PROX1: variants seen among roughly 807,000 people sequenced by gnomAD.
The protein encoded by PROX1 is prospero homeobox protein 1.
Under a neutral mutation model 58.8 loss-of-function variants are expected in PROX1, and 7 were observed. The observed-to-expected ratio is 0.12, with a 90% CI of 0.07 to 0.22. The LOEUF is 0.22. Ranked by LOEUF, PROX1 falls within the 10% of genes least tolerant of loss-of-function variation. PROX1 has a pLI of 1.00. For missense variants in PROX1, 675 were observed against 927.8 expected (o/e 0.73, Z 3.54); for synonymous variants, 350 against 358.3 (o/e 0.98, Z 0.26).
At chr1:213,984,088 C>T (rs1040943192), upstream of PROX1, 13 of 152,190 alleles carry the variant, frequency 8.5e-5, no homozygotes, top group Admixed American at 2.6e-4. Flanking sequence ...GAGCTCCCAG[C>T]CTACACTTCA....
intron 4 of PROX1, among the ~76,000 whole-genome samples, chr1:214,023,013 T>G (rs1242314636): frequency 1.3e-5 from 2 of 152,216 alleles, no homozygotes; most frequent in African/African-American, 4.8e-5. Context: ...TTTCGTTTTC[T>G]CCCAAGGCCC....
chr1:213,999,323 G>C (rs1056548666), intron 2 of PROX1, among the ~76,000 whole-genome samples: 7 of 152,092 alleles, frequency 4.6e-5, no homozygotes, highest in Non-Finnish European at 1.5e-5. Context: ...GTGGAGGCAT[G>C]TTTCTTATAT....
Position 213,996,616 on chromosome 1 carries a change from A to G in PROX1, c.81A>G (p.Val27=). 3 of 1,614,210 alleles carry G rather than the reference A, an allele frequency of 1.9e-6. No individual in the cohort carries two copies. Among genetic ancestry groups the G allele is most frequent in the South Asian group, 1.1e-5 (1 of 91,082 alleles). ...RRVDIGVKRT[V]GTASAFFAKA... ...TTGACATTGGAGTGAAAAGGACGGT[A>G]GGGACAGCATCTGCATTTTTTGCTA... Residue 27 remains valine (V), a synonymous_variant, in exon 2 of 5, where the codon GTA becomes GTG. Transcript: ENST00000366958.
rs187630347 is a variant in PROX1, at chr1:213,994,156, C to T, written c.-67-2313C>T. Among the ~76,000 whole-genome samples the T allele has an allele frequency of 2.6e-3, 399 of 152,276 alleles. 1 individual carries two copies. Among genetic ancestry groups the T allele is most frequent in the Non-Finnish European group, 4.0e-3 (275 of 68,026 alleles). On this transcript the variant is annotated intron_variant, in intron 1 of 4. Transcript: ENST00000366958. ...ATGACCTTGTGCTCATCAGCGACAC[C>T]AGTCTGTCCTTTCCAAGCCTCTGTG...
At chr1:213,993,504 T>C (rs1663111376) in intron 1 of PROX1, among the ~76,000 whole-genome samples, 1 of 152,220 alleles carries the variant, frequency 6.6e-6, no homozygotes, top group African/African-American at 2.4e-5. Flanking sequence ...GAAATGTTTT[T>C]AAGAGATTTA....
chr1:214,011,433 G>A (rs367545937), intron 3 of PROX1, 88 bp from the exon 4 acceptor site: 25 of 1,250,430 alleles, frequency 2.0e-5, no homozygotes, highest in African/African-American at 4.5e-5. Flanking sequence ...AAGAAGGGAC[G>A]GGAACATTAA....
intron 1 of PROX1, among the ~76,000 whole-genome samples, chr1:213,993,286 C>T (rs1663103177): frequency 6.6e-6 from 1 of 152,108 alleles, no homozygotes; most frequent in South Asian, 2.1e-4. Flanking sequence ...TGGACATCCA[C>T]CAGTGTTGAT....
At chr1:214,027,950 T>A (rs548390080) in intron 4 of PROX1, among the ~76,000 whole-genome samples, 2 of 151,698 alleles carry the variant, frequency 1.3e-5, no homozygotes, top group African/African-American at 4.9e-5. Context: ...TTTTTTTTTT[T>A]CTTAAGACAG....
chr1:213,986,802 G>C (rs1662835064), upstream of PROX1, among the ~76,000 whole-genome samples: 1 of 152,204 alleles, frequency 6.6e-6, no homozygotes, highest in Admixed American at 6.5e-5. Context: ...CCGGTGAAAG[G>C]GACGTTCTAG....
At chr1:213,984,691 CCT>C (rs1351310592), upstream of PROX1, 1 of 153,258 alleles carries the variant, frequency 6.5e-6, no homozygotes, top group Non-Finnish European at 1.5e-5. Context: ...GGTTGGTTTT[CCT>C]CTCTTCCCTT....
chr1:214,038,667 C>A lies in PROX1; in HGVS notation c.*2833C>A, dbSNP rs1664907550. 1 of 152,166 alleles carries A rather than the reference C, an allele frequency of 6.6e-6. No homozygotes were observed. Among genetic ancestry groups the A allele is most frequent in the Non-Finnish European group, 1.5e-5 (1 of 68,028 alleles). The allele number at this position is 152,166 out of a possible 1,614,324, so 9.4% of individuals were successfully genotyped here. A position where few individuals can be genotyped will look rare whatever the true frequency, so the allele number is the denominator to read the frequency against. Reference sequence around the variant, plus strand: ...GCGGGGGGGATTTTAAAAAATCCTTCAAAATACCAGTTTTTTCCCAACAAG... The same window carrying A: ...GCGGGGGGGATTTTAAAAAATCCTTAAAAATACCAGTTTTTTCCCAACAAG... On this transcript the variant is annotated 3_prime_UTR_variant, in exon 5 of 5. Coordinates refer to ENST00000366958, the MANE Select transcript of PROX1 (RefSeq NM_001270616.2).
At chr1:214,000,415 GCTT>G (rs1344932132) in intron 2 of PROX1, among the ~76,000 whole-genome samples, 2 of 152,134 alleles carry the variant, frequency 1.3e-5, no homozygotes, top group Admixed American at 6.5e-5. Context: ...AAATATAGTT[GCTT>G]CTTCTTCAGA....
rs772798572 is a variant in PROX1 at position 213,998,266 on chromosome 1, C to G, written c.1725+6C>G. 10 of 1,528,088 alleles carry G rather than the reference C, an allele frequency of 6.5e-6. No homozygotes were observed. The South Asian group carries it at 1.2e-4, about 18-fold the overall frequency. 94.7% of individuals were successfully genotyped at this position (1,528,088 alleles called of 1,614,324 possible). A position where few individuals can be genotyped will look rare whatever the true frequency, so the allele number is the denominator to read the frequency against. ...CACCTTATTCGGGAAGTGCAATATC[C>G]TTTTATTTTCCCCTCGAGGAAAAAA... On this transcript the variant is annotated splice_donor_region_variant and intron_variant, in intron 2 of 4. Coordinates refer to ENST00000366958, the MANE Select transcript of PROX1 (RefSeq NM_001270616.2).
chr1:213,999,890 T>C (rs1391306672), intron 2 of PROX1, among the ~76,000 whole-genome samples: 1 of 152,166 alleles, frequency 6.6e-6, no homozygotes, highest in Non-Finnish European at 1.5e-5. Context: ...ATGGCTTGAA[T>C]GGTTTTTGTG....
intron 4 of PROX1, among the ~76,000 whole-genome samples, chr1:214,026,232 G>A (rs987668733): frequency 2.0e-5 from 3 of 152,118 alleles, no homozygotes; most frequent in African/African-American, 4.8e-5. Flanking sequence ...GCTTCATCGC[G>A]ACCAATAATG....
chr1:213,993,122 C>T (rs1034564952), intron 1 of PROX1, among the ~76,000 whole-genome samples: 5 of 152,132 alleles, frequency 3.3e-5, no homozygotes, highest in Middle Eastern at 3.4e-3. Flanking sequence ...AGGTTATATA[C>T]GAAGTGATGC....
chr1:214,030,672 A>C (rs1664618062), intron 4 of PROX1: 1 of 152,200 alleles, frequency 6.6e-6, no homozygotes, highest in Non-Finnish European at 1.5e-5. Context: ...TGTCTCCAGA[A>C]AATAGGAGAG....
In PROX1 at chr1:214,036,993, T is replaced by C. The variant is rs1233757595; in HGVS notation, c.*1159T>C. 1 of 152,262 alleles carries C rather than the reference T, an allele frequency of 6.6e-6. No individual in the cohort carries two copies. Among genetic ancestry groups the C allele is most frequent in the African/African-American group, 2.4e-5 (1 of 41,464 alleles). The allele number at this position is 152,262 out of a possible 1,614,324, so 9.4% of individuals were successfully genotyped here. ...AGGTATAACATTTTAAAGCAATTGA[T>C]AATGCCTCTTCCAATTCAGAAGCTA... On this transcript the variant is annotated 3_prime_UTR_variant, in exon 5 of 5. Coordinates refer to ENST00000366958, the MANE Select transcript of PROX1 (RefSeq NM_001270616.2).
At position 213,997,484 on chromosome 1, in the gene PROX1, G is replaced by A. The variant is rs761593891; in HGVS notation, c.949G>A (p.Glu317Lys). The A allele has an allele frequency of 1.2e-6, 2 of 1,614,148 alleles. No individual in the cohort carries two copies. Among genetic ancestry groups the A allele is most frequent in the South Asian group, 1.1e-5 (1 of 91,086 alleles). ...FIDRARALIR[E>K]QEMAENKPKR... ...TGACCGAGCTCGAGCCCTGATCAGA[G>A]AGCAGGAAATGGCTGAAAACAAGCC... Residue 317 changes from glutamate (E) to lysine (K), a missense_variant, in exon 2 of 5, where the codon GAG becomes AAG. Glu to Lys is a moderately conservative substitution (Grantham distance 56). Coordinates refer to ENST00000366958, the MANE Select transcript of PROX1 (RefSeq NM_001270616.2). The surrounding 1 kb of genome is among the most constrained non-coding windows in gnomAD (Gnocchi z 7.1).
Sources: gnomAD v4.1 joint callset for allele counts (sites outside exome capture counted in the v4.1 genomes callset) on GRCh38, gnomAD v4.1.1 for gene constraint, Gnocchi (gnomAD v3.1) non-coding constraint, MANE v1.5 for transcripts, NCBI Gene and HGNC (gene_info 2026-07-23, HGNC 2026-07-21) for gene names.